LRP8: variants seen among roughly 807,000 people sequenced by gnomAD.
The protein encoded by LRP8 is LDL receptor related protein 8.
A neutral mutation model predicts 111.6 loss-of-function variants in LRP8; 46 were observed. The observed-to-expected ratio is 0.41, with a 90% CI of 0.33 to 0.53. The LOEUF (loss-of-function observed/expected upper bound fraction) is 0.53. Ranked by LOEUF, LRP8 falls within the 20% of genes least tolerant of loss-of-function variation. The probability of loss-of-function intolerance (pLI) is 0.20; values close to 1 mark genes in which losing one functional copy is unlikely to be tolerated. For missense variants in LRP8, 959 were observed against 1,297.4 expected (o/e 0.74, Z 4.01); for synonymous variants, 464 against 511.2 (o/e 0.91, Z 1.24).
intron 13 of LRP8, 111 bp from the exon 14 acceptor site, chr1:53,258,582 C>A: frequency 1.1e-6 from 1 of 935,316 alleles, no homozygotes; most frequent in Non-Finnish European, 1.6e-6. Context: ...TTGCCCTATA[C>A]TTTTTTTTTC....
At chr1:53,327,761 A>G (rs1655356666) in intron 1 of LRP8, 28 bp downstream of exon 1, 1 of 1,487,030 alleles carries the variant, frequency 6.7e-7, no homozygotes, top group Non-Finnish European at 8.9e-7. Flanking sequence ...GGCGGAGCAG[A>G]GCCGAGTCAG....
At chr1:53,298,985 C>A (rs1228900883) in intron 2 of LRP8, among the ~76,000 whole-genome samples, 1 of 152,232 alleles carries the variant, frequency 6.6e-6, no homozygotes, top group African/African-American at 2.4e-5. Flanking sequence ...GGGCTCTCGG[C>A]CCCCACTAAC....
chr1:53,262,067 C>T lies in LRP8; in HGVS notation c.1914+1G>A. 1.2e-6 allele frequency: 2 copies of T among 1,614,162 alleles called. No homozygotes were observed. Among genetic ancestry groups the T allele is most frequent in the Non-Finnish European group, 1.7e-6 (2 of 1,180,012 alleles). ...CCCTTGCCTCTCCTTACAGGACTCACCTCAAACACAGCTATCCCAAAAGGG... is the reference window on the plus strand; with the variant it reads ...CCCTTGCCTCTCCTTACAGGACTCATCTCAAACACAGCTATCCCAAAAGGG... On this transcript the variant is annotated splice_donor_variant, in intron 12 of 18. Transcript: ENST00000306052. LOFTEE classifies it high-confidence loss of function. The surrounding 1 kb of genome is among the most constrained non-coding windows in gnomAD (Gnocchi z 4.8).
chr1:53,275,828 C>T lies in LRP8; in HGVS notation c.884-75G>A. 1 of 1,537,688 alleles carries T rather than the reference C, an allele frequency of 6.5e-7. No individual in the cohort carries two copies. Among genetic ancestry groups the T allele is most frequent in the Non-Finnish European group, 8.8e-7 (1 of 1,137,950 alleles). Reference sequence around the variant, plus strand: ...ACAATTTCCCCACCACCCCAATCCCCATGCCATAGCCACCCCCAGCAAAAA... The same window carrying T: ...ACAATTTCCCCACCACCCCAATCCCTATGCCATAGCCACCCCCAGCAAAAA... On this transcript the variant is annotated intron_variant, in intron 5 of 18. Coordinates refer to ENST00000306052, the MANE Select transcript of LRP8 (RefSeq NM_004631.5). The surrounding 1 kb of genome is among the most constrained non-coding windows in gnomAD (Gnocchi z 4.4).
intron 2 of LRP8, among the ~76,000 whole-genome samples, chr1:53,310,917 A>T (rs1046037910): frequency 6.6e-6 from 1 of 152,086 alleles, no homozygotes; most frequent in Non-Finnish European, 1.5e-5. Flanking sequence ...TACTATAAAG[A>T]CACAGGAGAT....
In LRP8 at chr1:53,276,345, G is replaced by A. The variant is rs966738631; in HGVS notation, c.883+347C>T. 1.1e-4 allele frequency among the ~76,000 whole-genome samples: 16 copies of A among 151,736 alleles called. No individual in the cohort carries two copies. The East Asian group carries it at 2.3e-3, about 22-fold the overall frequency. ...CAGAGGAGTCTAGGCCAGGCCTTGA[G>A]GAATGAGCAGGCCTAGCGGGTAAAG... On this transcript the variant is annotated intron_variant, in intron 5 of 18. Coordinates refer to ENST00000306052, the MANE Select transcript of LRP8 (RefSeq NM_004631.5).
chr1:53,317,810 A>G lies in LRP8; in HGVS notation c.244+9063T>C, dbSNP rs1009421922. Among the ~76,000 whole-genome samples, 2 of 152,160 alleles carry G rather than the reference A, an allele frequency of 1.3e-5. No homozygotes were observed. The highest frequency in any genetic ancestry group is 4.8e-5 in the African/African-American group (2 of 41,436). ...CCATCACTGCACTGCATCCGGCCCAATTGTGAGTGCAGGAAGAAGGCAGAA... is the reference window on the plus strand; with the variant it reads ...CCATCACTGCACTGCATCCGGCCCAGTTGTGAGTGCAGGAAGAAGGCAGAA... On this transcript the variant is annotated intron_variant, in intron 2 of 18. Coordinates refer to ENST00000306052, the MANE Select transcript of LRP8 (RefSeq NM_004631.5). The surrounding 1 kb of genome is among the most constrained non-coding windows in gnomAD (Gnocchi z 4.9).
At chr1:53,247,989 G>A (rs1429353827) in intron 18 of LRP8, among the ~76,000 whole-genome samples, 7 of 152,116 alleles carry the variant, frequency 4.6e-5, no homozygotes, top group Non-Finnish European at 1.0e-4. Flanking sequence ...ATTTGGGCCA[G>A]CCACTTTACT....
chr1:53,321,073 A>G (rs1468233331), intron 2 of LRP8, among the ~76,000 whole-genome samples: 1 of 152,264 alleles, frequency 6.6e-6, no homozygotes, highest in Non-Finnish European at 1.5e-5. Flanking sequence ...GGTCCCAGGC[A>G]TGGGATATAG....
intron 2 of LRP8, among the ~76,000 whole-genome samples, chr1:53,315,175 T>A (rs1188984243): frequency 6.6e-6 from 1 of 152,096 alleles, no homozygotes; most frequent in African/African-American, 2.4e-5. Context: ...ATGAGGTCCC[T>A]AGAAGGCCTC....
intron 2 of LRP8, among the ~76,000 whole-genome samples, chr1:53,318,152 G>A (rs890597898): frequency 3.9e-5 from 6 of 152,178 alleles, no homozygotes; most frequent in African/African-American, 1.4e-4. Flanking sequence ...CAAGTTAGGG[G>A]CATAGATAGA....
At chr1:53,261,879 G>C (rs1646352765) in intron 12 of LRP8, among the ~76,000 whole-genome samples, 189 bp downstream of exon 12, 1 of 152,186 alleles carries the variant, frequency 6.6e-6, no homozygotes, top group Non-Finnish European at 1.5e-5. Flanking sequence ...CGTGGGAAAG[G>C]CTGCCAGGTG....
At chr1:53,325,676 G>T (rs1256835822) in intron 2 of LRP8, among the ~76,000 whole-genome samples, 1 of 152,220 alleles carries the variant, frequency 6.6e-6, no homozygotes, top group African/African-American at 2.4e-5. Flanking sequence ...AAACCAAAAC[G>T]ATTCAACAGA....
chr1:53,325,747 C>T (rs1359178686), intron 2 of LRP8, among the ~76,000 whole-genome samples: 1 of 152,248 alleles, frequency 6.6e-6, no homozygotes, highest in Non-Finnish European at 1.5e-5. Context: ...GTGGGCCTGT[C>T]CACCTGTCGC....
intron 2 of LRP8, among the ~76,000 whole-genome samples, chr1:53,298,437 C>T (rs753242887): frequency 1.3e-5 from 2 of 152,164 alleles, no homozygotes; most frequent in East Asian, 3.9e-4. Flanking sequence ...CCAAGCATTA[C>T]GCAAGGGGTG....
chr1:53,258,647 G>A (rs1041291655), intron 13 of LRP8, among the ~76,000 whole-genome samples, 176 bp from the exon 14 acceptor site: 2 of 150,906 alleles, frequency 1.3e-5, no homozygotes, highest in South Asian at 2.1e-4. Context: ...TGGGATACAC[G>A]TTTTTTGTTA....
chr1:53,314,066 G>C (rs745483522), intron 2 of LRP8, among the ~76,000 whole-genome samples: 3 of 152,160 alleles, frequency 2.0e-5, no homozygotes, highest in South Asian at 2.1e-4. Context: ...GGAAGGAAGA[G>C]AGGGGTTGTG....
At chr1:53,289,457 T>G in intron 3 of LRP8, 110 bp downstream of exon 3, 2 of 1,421,476 alleles carry the variant, frequency 1.4e-6, no homozygotes, top group Admixed American at 2.3e-5. Flanking sequence ...CCTGAGTGCG[T>G]GGCACAGAAT....
intron 2 of LRP8, among the ~76,000 whole-genome samples, chr1:53,322,723 T>C (rs1369533345): frequency 6.6e-6 from 1 of 152,144 alleles, no homozygotes; most frequent in African/African-American, 2.4e-5. Context: ...GATGGCTCCA[T>C]CCACGAAGGA....
Sources: allele counts gnomAD v4.1 joint callset (sites outside exome capture counted in the v4.1 genomes callset), GRCh38; gene constraint gnomAD v4.1.1; non-coding constraint Gnocchi (gnomAD v3.1); transcripts MANE v1.5; gene names NCBI Gene and HGNC (gene_info 2026-07-23, HGNC 2026-07-21).